ADCY2: variants seen among roughly 807,000 people sequenced by gnomAD.
The protein encoded by ADCY2 is adenylate cyclase 2, also known as adenylate cyclase type 2.
ADCY2 carries 31 observed loss-of-function variants against 125.2 expected under a neutral mutation model. The observed-to-expected ratio is 0.25, with a 90% CI of 0.19 to 0.33. The LOEUF (loss-of-function observed/expected upper bound fraction) is 0.33, where lower values mean the gene tolerates loss of function less well. Among genes scored for constraint, ADCY2 ranks in the 10% least tolerant of loss-of-function variants. ADCY2 has a pLI of 1.00. For missense variants in ADCY2, 904 were observed against 1,418.2 expected (o/e 0.64, Z 5.82); for synonymous variants, 512 against 548.4 (o/e 0.93, Z 0.93).
intron 16 of ADCY2, among the ~76,000 whole-genome samples, chr5:7,757,954 G>A (rs1010636092): frequency 6.6e-6 from 1 of 152,100 alleles, no homozygotes; most frequent in Non-Finnish European, 1.5e-5. Flanking sequence ...GCTCATGGTG[G>A]CCCCTCAACA....
intron 3 of ADCY2, among the ~76,000 whole-genome samples, chr5:7,589,524 G>GGAA (rs1561112681): frequency 1.5e-5 from 1 of 67,868 alleles, no homozygotes; most frequent in Non-Finnish European, 3.4e-5. Context: ...AGAAAAGAAA[G>GGAA]AGAAAGAAAG....
At chr5:7,680,786 G>C (rs1740302836) in intron 4 of ADCY2, among the ~76,000 whole-genome samples, 1 of 152,136 alleles carries the variant, frequency 6.6e-6, no homozygotes, top group Non-Finnish European at 1.5e-5. Context: ...GTTTATTTTT[G>C]TCAGGTAGTG....
intron 3 of ADCY2, among the ~76,000 whole-genome samples, chr5:7,584,532 C>T (rs1254094543): frequency 4.6e-5 from 7 of 152,060 alleles, no homozygotes; most frequent in Admixed American, 3.3e-4. Context: ...AGTATAGACA[C>T]GTATCACTAT....
intron 5 of ADCY2, among the ~76,000 whole-genome samples, chr5:7,693,672 C>T (rs13168744): frequency 0.5 from 76,111 of 151,966 alleles, 19,562 homozygotes; most frequent in East Asian, 0.83. Flanking sequence ...ATCCACCCGC[C>T]TTGGCCTCCC....
At chr5:7,745,599 G>A (rs554955997) in intron 15 of ADCY2, among the ~76,000 whole-genome samples, 2 of 152,206 alleles carry the variant, frequency 1.3e-5, no homozygotes, top group South Asian at 4.1e-4. Context: ...CTATGTTCCC[G>A]GAATCATCCC....
intron 4 of ADCY2, among the ~76,000 whole-genome samples, chr5:7,666,835 G>T (rs1739774675): frequency 6.6e-6 from 1 of 152,156 alleles, no homozygotes; most frequent in Non-Finnish European, 1.5e-5. Context: ...CTATTCCCTA[G>T]CAGTTGGTCT....
At chr5:7,417,236 C>A (rs1296107639) in intron 2 of ADCY2, among the ~76,000 whole-genome samples, 1 of 151,526 alleles carries the variant, frequency 6.6e-6, no homozygotes, top group South Asian at 2.1e-4. Flanking sequence ...ATCTTAGGTA[C>A]CTAAAGTCTT....
intron 4 of ADCY2, among the ~76,000 whole-genome samples, chr5:7,644,778 G>A (rs1315199494): frequency 6.6e-6 from 1 of 151,858 alleles, no homozygotes; most frequent in Non-Finnish European, 1.5e-5. Flanking sequence ...ATAATTCTTT[G>A]TATATATCGT....
Position 7,555,157 on chromosome 5 carries a change from T to A in ADCY2, c.570+34258T>A, listed in dbSNP as rs116080684. On this transcript the variant is annotated intron_variant, in intron 3 of 24. Transcript: ENST00000338316. Reference sequence around the variant, plus strand: ...ATCATGTATCCAACTTACTGTTATATGATGGCCCTGTTGAATCTGCCTGTG... The same window carrying A: ...ATCATGTATCCAACTTACTGTTATAAGATGGCCCTGTTGAATCTGCCTGTG... Among the ~76,000 whole-genome samples, 504 of 152,352 alleles carry A rather than the reference T, an allele frequency of 3.3e-3. 8 individuals are homozygous for A. Among genetic ancestry groups the A allele is most frequent in the African/African-American group, 0.012 (482 of 41,578 alleles).
At position 7,505,139 on chromosome 5, in the gene ADCY2, C is replaced by T. The variant is rs185555367; in HGVS notation, c.409-15599C>T. Among the ~76,000 whole-genome samples the T allele has an allele frequency of 5.3e-5, 8 of 152,230 alleles. No homozygotes were observed. The East Asian group carries it at 1.5e-3, about 29-fold the overall frequency. ...GCTCAAGCAATTCTTCTACCTTGGC[C>T]TCCCAAAGTGCTAGGATTACAGGTG... On this transcript the variant is annotated intron_variant, in intron 2 of 24. Coordinates refer to ENST00000338316, the MANE Select transcript of ADCY2 (RefSeq NM_020546.3).
intron 4 of ADCY2, among the ~76,000 whole-genome samples, chr5:7,683,726 A>G (rs982006581): frequency 3.7e-4 from 56 of 152,166 alleles, no homozygotes; most frequent in African/African-American, 1.3e-3. Context: ...CAAGTGTAGC[A>G]TGTACATAAC....
intron 3 of ADCY2, among the ~76,000 whole-genome samples, chr5:7,522,108 A>C (rs1472528): frequency 2.0e-5 from 3 of 152,200 alleles, no homozygotes; most frequent in Non-Finnish European, 1.5e-5. Flanking sequence ...TAATCCAATG[A>C]GAGAATGAAG....
intron 1 of ADCY2, among the ~76,000 whole-genome samples, chr5:7,409,147 C>T (rs950050943): frequency 6.6e-6 from 1 of 152,146 alleles, no homozygotes; most frequent in African/African-American, 2.4e-5. Flanking sequence ...CCAAATACCG[C>T]ATACTCTCAC....
At chr5:7,535,130 T>C (rs1425183760) in intron 3 of ADCY2, among the ~76,000 whole-genome samples, 1 of 152,182 alleles carries the variant, frequency 6.6e-6, no homozygotes, top group Non-Finnish European at 1.5e-5. Flanking sequence ...AACCTCCGCC[T>C]CTCAGGTACA....
chr5:7,574,948 A>G (rs1253358942), intron 3 of ADCY2, among the ~76,000 whole-genome samples: 1 of 152,232 alleles, frequency 6.6e-6, no homozygotes, highest in East Asian at 1.9e-4. Flanking sequence ...GTGAAGACCA[A>G]CAATATGAGA....
At chr5:7,457,648 C>T (rs151014465) in intron 2 of ADCY2, among the ~76,000 whole-genome samples, 8 of 152,264 alleles carry the variant, frequency 5.3e-5, no homozygotes, top group Non-Finnish European at 1.0e-4. Flanking sequence ...GAGGGGATAA[C>T]GTTTTTGCAC....
At chr5:7,557,192 G>GATATATAGATATATATATATATATAT (rs1204974635) in intron 3 of ADCY2, among the ~76,000 whole-genome samples, 5 of 80,644 alleles carry the variant, frequency 6.2e-5, no homozygotes, top group Non-Finnish European at 7.4e-5. Context: ...TTATATATGT[G>GATATATAGATATATATATATATATAT]ATATATATAA....
At chr5:7,594,224 C>T (rs866766976) in intron 3 of ADCY2, among the ~76,000 whole-genome samples, 2 of 151,988 alleles carry the variant, frequency 1.3e-5, no homozygotes, top group Non-Finnish European at 2.9e-5. Flanking sequence ...CAAATCCAGA[C>T]GAGAGGTGAT....
At chr5:7,574,523 A>C (rs991167907) in intron 3 of ADCY2, among the ~76,000 whole-genome samples, 6 of 152,212 alleles carry the variant, frequency 3.9e-5, no homozygotes, top group African/African-American at 1.4e-4. Flanking sequence ...GCTCTGTCAC[A>C]CGTACATATA....
Sources: gnomAD v4.1 joint callset for allele counts (sites outside exome capture counted in the v4.1 genomes callset) on GRCh38, gnomAD v4.1.1 for gene constraint, MANE v1.5 for transcripts, NCBI Gene and HGNC (gene_info 2026-07-23, HGNC 2026-07-21) for gene names.